The following CDH13 variants were observed in gnomAD, a reference collection of about 807,000 sequenced individuals.
CDH13 encodes the protein cadherin 13, also known as cadherin-13.
In CDH13, 24 loss-of-function variants were observed where a neutral mutation model predicts 63.8. That is an observed-to-expected ratio of 0.38 (90% confidence interval 0.27 to 0.53). CDH13 has a LOEUF of 0.53. Ranked by LOEUF, CDH13 falls within the 20% of genes least tolerant of loss-of-function variation. CDH13 has a pLI of 0.85. For synonymous variants in CDH13, 503 were observed against 355.3 expected (o/e 1.42, Z -4.67); for missense variants, 1,049 against 903.1 (o/e 1.16, Z -2.07).
At chr16:83,693,761 A>G (rs1905114472) in intron 10 of CDH13, among the ~76,000 whole-genome samples, 1 of 152,252 alleles carries the variant, frequency 6.6e-6, no homozygotes, top group African/African-American at 2.4e-5. Context: ...GAGCACACAT[A>G]TAACTAGTCA....
At chr16:82,875,249 T>G (rs998036743) in intron 2 of CDH13, among the ~76,000 whole-genome samples, 1 of 152,120 alleles carries the variant, frequency 6.6e-6, no homozygotes, top group Non-Finnish European at 1.5e-5. Context: ...ATCAGGACAT[T>G]TTAGTGATAG....
At chr16:82,864,554 G>C (rs529159498) in intron 2 of CDH13, among the ~76,000 whole-genome samples, 3 of 152,030 alleles carry the variant, frequency 2.0e-5, no homozygotes, top group Non-Finnish European at 2.9e-5. Flanking sequence ...CATTTCTCAC[G>C]AGAACTCACT....
At chr16:83,140,967 GC>G (rs1394404353) in intron 4 of CDH13, among the ~76,000 whole-genome samples, 1 of 152,174 alleles carries the variant, frequency 6.6e-6, no homozygotes, top group Non-Finnish European at 1.5e-5. Flanking sequence ...ATGCACAATT[GC>G]TAAACAGACA....
intron 11 of CDH13, among the ~76,000 whole-genome samples, chr16:83,767,492 T>C (rs1259429612): frequency 6.6e-6 from 1 of 152,212 alleles, no homozygotes; most frequent in Non-Finnish European, 1.5e-5. Context: ...CAATTAAACC[T>C]CTTTCCTTTA....
At chr16:82,665,672 C>T (rs1327525312) in intron 1 of CDH13, among the ~76,000 whole-genome samples, 1 of 151,974 alleles carries the variant, frequency 6.6e-6, no homozygotes, top group Non-Finnish European at 1.5e-5. Context: ...CTATGTCATG[C>T]CTCAACTCTG....
chr16:82,665,305 T>C (rs1912455770), intron 1 of CDH13, among the ~76,000 whole-genome samples: 1 of 152,130 alleles, frequency 6.6e-6, no homozygotes, highest in Admixed American at 6.6e-5. Flanking sequence ...AATGCATGTG[T>C]TAGATAAGCT....
intron 6 of CDH13, among the ~76,000 whole-genome samples, chr16:83,434,549 C>G (rs1322020220): frequency 6.6e-6 from 1 of 151,980 alleles, no homozygotes; most frequent in Non-Finnish European, 1.5e-5. Context: ...AACCTAGAGT[C>G]CCTCCTCCAC....
intron 5 of CDH13, among the ~76,000 whole-genome samples, chr16:83,247,649 G>A (rs1905102643): frequency 6.6e-6 from 1 of 152,162 alleles, no homozygotes; most frequent in African/African-American, 2.4e-5. Context: ...GAGGGAAAAT[G>A]AGAAGTTATT....
At chr16:83,092,905 A>G (rs2033988015) in intron 3 of CDH13, among the ~76,000 whole-genome samples, 1 of 152,228 alleles carries the variant, frequency 6.6e-6, no homozygotes, top group Non-Finnish European at 1.5e-5. Context: ...TTTCATTTAT[A>G]AAAATAAAGG....
At chr16:83,302,865 A>C (rs1251608080) in intron 5 of CDH13, among the ~76,000 whole-genome samples, 1 of 152,214 alleles carries the variant, frequency 6.6e-6, no homozygotes, top group Non-Finnish European at 1.5e-5. Context: ...GACTGATCTA[A>C]ACTTCAGTGA....
At chr16:83,725,365 T>C (rs925085899) in intron 10 of CDH13, 4 of 152,272 alleles carry the variant, frequency 2.6e-5, no homozygotes, top group Admixed American at 6.5e-5. Context: ...ATGAGTTCCG[T>C]CTTCTCCACT....
At chr16:83,666,788 T>C (rs1004716138) in intron 8 of CDH13, among the ~76,000 whole-genome samples, 1 of 152,258 alleles carries the variant, frequency 6.6e-6, no homozygotes, top group Admixed American at 6.5e-5. Flanking sequence ...CTGATGATCC[T>C]CTCCAGACTG....
At chr16:82,661,685 G>A (rs758410244) in intron 1 of CDH13, among the ~76,000 whole-genome samples, 4 of 152,208 alleles carry the variant, frequency 2.6e-5, no homozygotes, top group Non-Finnish European at 4.4e-5. Flanking sequence ...GTATGAACTC[G>A]TCTGTCTTTT....
Position 83,783,467 on chromosome 16 carries a change from T to C in CDH13, c.2129T>C (p.Leu710Ser), listed in dbSNP as rs1915672171. The C allele has an allele frequency of 6.2e-7, 1 of 1,613,622 alleles. No individual in the cohort carries two copies. The highest frequency in any genetic ancestry group is 8.5e-7 in the Non-Finnish European group (1 of 1,179,736). ...GTCCTGCTCCTCAGCCTCTTCAGCT[T>C]AGCTTGTAAGTTGACCTAACTCCAG... ...PSVLLLSLFSLACL is the reference protein window; with the variant it reads ...PSVLLLSLFSSACL The change falls in exon 13 of 14, where the codon TTA (leucine) becomes TCA (serine). Residue 710 changes from leucine to serine, a missense_variant. By Grantham distance (145) the Leu-to-Ser change is moderately radical (BLOSUM62 -2). Coordinates refer to ENST00000567109, the MANE Select transcript of CDH13 (RefSeq NM_001257.5).
chr16:83,384,995 TCAAA>T (rs1392029791), intron 6 of CDH13, among the ~76,000 whole-genome samples: 1 of 152,208 alleles, frequency 6.6e-6, no homozygotes, highest in Non-Finnish European at 1.5e-5. Context: ...TGGCCCTCTT[TCAAA>T]CAAAGATGGT....
At chr16:82,768,208 A>T (rs1386585446) in intron 1 of CDH13, among the ~76,000 whole-genome samples, 1 of 152,186 alleles carries the variant, frequency 6.6e-6, no homozygotes, top group Non-Finnish European at 1.5e-5. Flanking sequence ...TTGCAAGCTG[A>T]TGTCTTACTA....
At chr16:83,122,864 G>T (rs779549406) in intron 3 of CDH13, among the ~76,000 whole-genome samples, 5 of 151,984 alleles carry the variant, frequency 3.3e-5, no homozygotes, top group Non-Finnish European at 5.9e-5. Context: ...GCCTTTTAGT[G>T]AACCCATCAC....
chr16:82,709,334 G>T (rs189832830), intron 1 of CDH13, among the ~76,000 whole-genome samples: 26 of 152,240 alleles, frequency 1.7e-4, no homozygotes, highest in Non-Finnish European at 2.9e-5. Flanking sequence ...CATGCCACAG[G>T]AATAATTTTT....
At position 82,847,622 on chromosome 16, in the gene CDH13, C is replaced by A. The variant is rs568307707; in HGVS notation, c.46-10740C>A. On this transcript the variant is annotated intron_variant, in intron 1 of 13. Coordinates refer to ENST00000567109, the MANE Select transcript of CDH13 (RefSeq NM_001257.5). ...GTTTTAATGTTAGCTGATTCCCAAC[C>A]TTAATTACCCTTTGCCATGTAATCT... is the stretch of plus-strand genomic sequence containing the variant. Among the ~76,000 whole-genome samples, 3 of 152,312 alleles carry A rather than the reference C, an allele frequency of 2.0e-5. No homozygotes were observed. The South Asian group carries it at 6.2e-4, about 32-fold the overall frequency.
Sources: gnomAD v4.1 joint callset for allele counts (sites outside exome capture counted in the v4.1 genomes callset) on GRCh38, gnomAD v4.1.1 for gene constraint, MANE v1.5 for transcripts, NCBI Gene and HGNC (gene_info 2026-07-23, HGNC 2026-07-21) for gene names.